Variants in OTUD7A observed in about 807,000 individuals in gnomAD.
The protein encoded by OTUD7A is OTU deubiquitinase 7A.
OTUD7A carries 12 observed loss-of-function variants against 65.7 expected under a neutral mutation model. That is an observed-to-expected ratio of 0.18 (90% CI 0.12 to 0.30). OTUD7A has a LOEUF of 0.30. Among genes scored for constraint, OTUD7A ranks in the 10% least tolerant of loss-of-function variants. The pLI is 1.00. For missense variants in OTUD7A, 1,148 were observed against 1,304.8 expected (o/e 0.88, Z 1.85); for synonymous variants, 641 against 586.3 (o/e 1.09, Z -1.35).
chr15:31,628,760 T>A (rs1393343796), intron 3 of OTUD7A, among the ~76,000 whole-genome samples: 1 of 152,220 alleles, frequency 6.6e-6, no homozygotes, highest in African/African-American at 2.4e-5. Flanking sequence ...GTATCCTCTT[T>A]AATTTCATTG....
Position 31,615,020 on chromosome 15 carries a change from TAATAG to T in OTUD7A, c.151+40071_151+40075del, listed in dbSNP as rs1298978250. Among the ~76,000 whole-genome samples, 5 of 152,262 alleles carry T rather than the reference TAATAG, an allele frequency of 3.3e-5. No homozygotes were observed. The East Asian group carries it at 5.8e-4, about 18-fold the overall frequency. On this transcript the variant is annotated intron_variant, in intron 3 of 12. Transcript: ENST00000307050. ...GTAAAGGAATGTACCGGGAAGAAGC[TAATAG>T]AATAGAACATTAATAAATACTTTGA...
chr15:31,805,101 A>G (rs1896235067), intron 1 of OTUD7A, among the ~76,000 whole-genome samples: 1 of 152,198 alleles, frequency 6.6e-6, no homozygotes, highest in Admixed American at 6.5e-5. Flanking sequence ...CGATCTCCAC[A>G]TACACACAGC....
At chr15:31,834,488 T>C (rs887711621) in intron 1 of OTUD7A, among the ~76,000 whole-genome samples, 1 of 152,252 alleles carries the variant, frequency 6.6e-6, no homozygotes, top group African/African-American at 2.4e-5. Flanking sequence ...AAAATATTAG[T>C]GAACATTTTA....
chr15:31,867,481 C>T (rs751853273), intron 1 of OTUD7A, among the ~76,000 whole-genome samples: 2 of 152,252 alleles, frequency 1.3e-5, no homozygotes, highest in East Asian at 1.9e-4. Flanking sequence ...AGTGGACATC[C>T]GCCACCTATA....
intron 4 of OTUD7A, among the ~76,000 whole-genome samples, chr15:31,561,442 T>A (rs987837056): frequency 2.6e-5 from 4 of 152,184 alleles, no homozygotes; most frequent in Admixed American, 2.6e-4. Flanking sequence ...AGGTGCTATG[T>A]GCACCTGCAA....
intron 1 of OTUD7A, among the ~76,000 whole-genome samples, chr15:31,771,859 T>C (rs1358870621): frequency 5.3e-5 from 8 of 152,168 alleles, no homozygotes; most frequent in Non-Finnish European, 1.0e-4. Context: ...TGACTTGTAG[T>C]GCTCATCCAT....
chr15:31,701,021 T>C (rs1209986103), intron 1 of OTUD7A, among the ~76,000 whole-genome samples: 1 of 152,182 alleles, frequency 6.6e-6, no homozygotes, highest in Non-Finnish European at 1.5e-5. Flanking sequence ...TGAGAAAATA[T>C]TAGACAAACC....
chr15:31,690,099 G>C (rs1892928913), intron 1 of OTUD7A, among the ~76,000 whole-genome samples: 1 of 152,000 alleles, frequency 6.6e-6, no homozygotes, highest in African/African-American at 2.4e-5. Flanking sequence ...TTTCCACATA[G>C]GATAAGGTCC....
Position 31,870,487 on chromosome 15 carries a change from C to T in OTUD7A, c.-100+20G>A, listed in dbSNP as rs1898000210. 1 of 148,046 alleles carries T rather than the reference C, an allele frequency of 6.8e-6. No individual in the cohort carries two copies. Among genetic ancestry groups the T allele is most frequent in the Non-Finnish European group, 1.5e-5 (1 of 66,396 alleles). 9.2% of individuals were successfully genotyped at this position (148,046 alleles called of 1,614,324 possible). A position where few individuals can be genotyped will look rare whatever the true frequency, so the allele number is the denominator to read the frequency against. The stretch of plus-strand genomic sequence containing the variant: ...CGGCCCCGCCGCCCGCCGGCAGCAC[C>T]GCGGCCAGCGCCGTCTTACCTGCCG... On this transcript the variant is annotated intron_variant, in intron 1 of 12. Coordinates refer to ENST00000307050, the MANE Select transcript of OTUD7A (RefSeq NM_001382637.1).
chr15:31,836,214 G>C (rs1045308119), intron 1 of OTUD7A, among the ~76,000 whole-genome samples: 3 of 151,650 alleles, frequency 2.0e-5, no homozygotes, highest in Non-Finnish European at 4.4e-5. Context: ...AACTCCAAAA[G>C]TGATGTTCGG....
intron 1 of OTUD7A, chr15:31,766,372 AC>A: frequency 6.3e-7 from 1 of 1,588,166 alleles, no homozygotes; most frequent in Admixed American, 1.7e-5. Flanking sequence ...AAACAACATA[AC>A]TGTAGAGCAT....
intron 5 of OTUD7A, among the ~76,000 whole-genome samples, chr15:31,536,308 A>C (rs1008832728): frequency 6.6e-6 from 1 of 152,198 alleles, no homozygotes; most frequent in African/African-American, 2.4e-5. Flanking sequence ...CACTTCTTGG[A>C]TAATACTAAA....
At chr15:31,507,571 A>C (rs1325769389) in intron 8 of OTUD7A, among the ~76,000 whole-genome samples, 1 of 152,116 alleles carries the variant, frequency 6.6e-6, no homozygotes, top group African/African-American at 2.4e-5. Flanking sequence ...TATTGTGGAG[A>C]GAGAAAGAAC....
intron 1 of OTUD7A, among the ~76,000 whole-genome samples, chr15:31,758,850 G>A (rs1894884912): frequency 6.6e-6 from 1 of 151,822 alleles, no homozygotes; most frequent in Non-Finnish European, 1.5e-5. Flanking sequence ...AAAAAACTGG[G>A]GAGCTTTTTT....
At chr15:31,669,344 G>A (rs1432975821) in intron 1 of OTUD7A, among the ~76,000 whole-genome samples, 4 of 152,174 alleles carry the variant, frequency 2.6e-5, no homozygotes, top group Non-Finnish European at 4.4e-5. Flanking sequence ...GGGGGATGGG[G>A]GTGAGGTTCC....
chr15:31,816,534 CA>C (rs368748974), intron 1 of OTUD7A, among the ~76,000 whole-genome samples: 8,605 of 134,516 alleles, frequency 0.064, 831 homozygotes, highest in African/African-American at 0.21. Flanking sequence ...ACTAAAAATA[CA>C]AAAAAAAAAA....
At chr15:31,577,832 A>AC (rs1277637835) in intron 3 of OTUD7A, among the ~76,000 whole-genome samples, 18 of 151,754 alleles carry the variant, frequency 1.2e-4, no homozygotes, top group East Asian at 9.6e-4. Context: ...AAAAAAAAAA[A>AC]AACAACACAG....
At chr15:31,631,385 ATTCTT>A (rs1891147736) in intron 3 of OTUD7A, among the ~76,000 whole-genome samples, 1 of 152,134 alleles carries the variant, frequency 6.6e-6, no homozygotes, top group East Asian at 1.9e-4. Context: ...TGGGTTGAAA[ATTCTT>A]TTCTTTAAGA....
chr15:31,731,023 T>G (rs533719251), intron 1 of OTUD7A, among the ~76,000 whole-genome samples: 4 of 152,182 alleles, frequency 2.6e-5, no homozygotes, highest in Non-Finnish European at 4.4e-5. Context: ...TCCTCTCTTC[T>G]CCCTAATAGT....
Sources: gnomAD v4.1 joint callset for allele counts (sites outside exome capture counted in the v4.1 genomes callset) on GRCh38, gnomAD v4.1.1 for gene constraint, MANE v1.5 for transcripts, NCBI Gene and HGNC (gene_info 2026-07-23, HGNC 2026-07-21) for gene names.